The following CCDC39 variants were observed in gnomAD, a reference collection of about 807,000 sequenced individuals.
The protein encoded by CCDC39 is coiled-coil domain 39 molecular ruler complex subunit, also known as coiled-coil domain-containing protein 39.
CCDC39 carries 113 observed loss-of-function variants against 121.0 expected under a neutral mutation model. The ratio of observed to expected loss-of-function variants is 0.93; its 90% CI spans 0.80 to 1.09. The LOEUF is 1.09. Among genes scored for constraint, CCDC39 ranks in the 50% least tolerant of loss-of-function variants. CCDC39 has a pLI of 0.00. For missense variants in CCDC39, 1,063 were observed against 1,074.7 expected, an observed-to-expected ratio of 0.99 and a Z score of 0.15; for synonymous variants, 349 against 352.2, an observed-to-expected ratio of 0.99 and a Z score of 0.10.
intron 6 of CCDC39, among the ~76,000 whole-genome samples, chr3:180,656,763 T>A (rs185547068): frequency 1.3e-5 from 2 of 152,314 alleles, no homozygotes; most frequent in East Asian, 3.9e-4. Context: ...GAGTGACCTC[T>A]GGTCATTTTC....
chr3:180,653,509 CCT>C (rs1266909288), intron 7 of CCDC39, among the ~76,000 whole-genome samples: 4 of 152,078 alleles, frequency 2.6e-5, no homozygotes, highest in Non-Finnish European at 2.9e-5. Flanking sequence ...TTTTAGAGGG[CCT>C]CTCTCTGTTA....
At chr3:180,671,883 A>G (rs1406649082) in intron 1 of CCDC39, among the ~76,000 whole-genome samples, 1 of 152,242 alleles carries the variant, frequency 6.6e-6, no homozygotes, top group Non-Finnish European at 1.5e-5. Flanking sequence ...GTACAAAGTG[A>G]GATAGCAAGT....
chr3:180,668,805 C>T (rs1711956694), intron 1 of CCDC39, among the ~76,000 whole-genome samples: 1 of 151,978 alleles, frequency 6.6e-6, no homozygotes, highest in African/African-American at 2.4e-5. Flanking sequence ...TAGAGTAATG[C>T]CTAGAACATA....
intron 6 of CCDC39, 54 bp from the exon 7 acceptor site, chr3:180,655,007 AAAAGG>A: frequency 2.6e-6 from 3 of 1,167,282 alleles, no homozygotes; most frequent in Non-Finnish European, 3.4e-6. Flanking sequence ...TGAGAAAACT[AAAAGG>A]AATTTAGTTT....
At position 180,661,081 on chromosome 3, in the gene CCDC39, A is replaced by G. The variant is rs182208862; in HGVS notation, c.358-353T>C. ...CCCAAATATATATGCAATCATAATTAAAATAATATGTTTGGTATGCTAACT... is the reference window on the plus strand; with the variant it reads ...CCCAAATATATATGCAATCATAATTGAAATAATATGTTTGGTATGCTAACT... On this transcript the variant is annotated intron_variant, in intron 3 of 19. Coordinates refer to ENST00000476379, the MANE Select transcript of CCDC39 (RefSeq NM_181426.2). Among the ~76,000 whole-genome samples, 20 of 152,128 alleles carry G rather than the reference A, an allele frequency of 1.3e-4. No individual in the cohort carries two copies. In the East Asian group the frequency reaches 3.9e-3, roughly 29 times the overall value.
chr3:180,641,961 A>G, intron 13 of CCDC39, 32 bp downstream of exon 13: 1 of 1,461,514 alleles, frequency 6.8e-7, no homozygotes, highest in Non-Finnish European at 9.3e-7. Context: ...CTGTTTTTTT[A>G]ATTCCTCAGC....
chr3:180,675,810 G>C (rs1188863494), intron 1 of CCDC39, among the ~76,000 whole-genome samples: 2 of 152,002 alleles, frequency 1.3e-5, no homozygotes, highest in Non-Finnish European at 2.9e-5. Flanking sequence ...TAGACCAATG[G>C]AACAGAATAG....
At position 180,648,220 on chromosome 3, in the gene CCDC39, T is replaced by C; in HGVS notation, c.1307A>G (p.Gln436Arg). 3 of 1,613,572 alleles carry C rather than the reference T, an allele frequency of 1.9e-6. No homozygotes were observed. Among genetic ancestry groups the C allele is most frequent in the Non-Finnish European group, 2.5e-6 (3 of 1,179,620 alleles). The change falls in exon 10 of 20, where the codon CAG (glutamine) becomes CGG (arginine). Residue 436 changes from glutamine (Q) to arginine (R), a missense_variant. Coordinates refer to ENST00000476379, the MANE Select transcript of CCDC39 (RefSeq NM_181426.2). ...TRSSLKHLNH[Q>R]LQKLDFETLK... ...GGTTTCAAAATCCAGTTTTTGTAAC[T>C]GATGGTTGAGATGTTTCAGAGAGGA...
In CCDC39 at chr3:180,654,928, G is replaced by A. The variant is rs753991733; in HGVS notation, c.764C>T (p.Thr255Met). The part of the protein sequence containing the change: ...ALELARIKQE[T>M]REKENLVKEK... ...TTTAACCAAATTTTCTTTTTCTCTC[G>A]TTTCCTGCTTTATCCTTGCTAATTC... Residue 255 changes from threonine to methionine, a missense_variant, in exon 7 of 20, where the codon ACG becomes ATG. Coordinates refer to ENST00000476379, the MANE Select transcript of CCDC39 (RefSeq NM_181426.2). 2.9e-5 allele frequency: 46 copies of A among 1,575,344 alleles called. No homozygotes were observed. The highest frequency in any genetic ancestry group is 5.5e-5 in the African/African-American group (4 of 72,556).
chr3:180,625,441 C>T (rs1376133902), intron 14 of CCDC39, among the ~76,000 whole-genome samples: 1 of 149,612 alleles, frequency 6.7e-6, no homozygotes, highest in South Asian at 2.1e-4. Flanking sequence ...TCAGATTTCT[C>T]TTGCATCTAA....
intron 13 of CCDC39, among the ~76,000 whole-genome samples, chr3:180,640,745 C>T (rs1382429687): frequency 6.6e-6 from 1 of 151,986 alleles, no homozygotes; most frequent in Non-Finnish European, 1.5e-5. Flanking sequence ...AATACAAAAT[C>T]TGCATTGTCC....
rs1406274294 is a variant in CCDC39 at position 180,679,067 on chromosome 3, T to A, written c.90+224A>T. Among the ~76,000 whole-genome samples the A allele has an allele frequency of 6.6e-6, 1 of 152,166 alleles. No homozygotes were observed. Among genetic ancestry groups the A allele is most frequent in the Non-Finnish European group, 1.5e-5 (1 of 68,026 alleles). On this transcript the variant is annotated intron_variant, in intron 1 of 19. Transcript: ENST00000476379. The surrounding 1 kb of genome is among the most constrained non-coding windows in gnomAD (Gnocchi z 4.0). ...GAAGGGAGTAATAATTCGAGCTTTA[T>A]AACCCTAAATGTCAATTATGGTTTT... is the stretch of plus-strand genomic sequence containing the variant.
At position 180,663,895 on chromosome 3, in the gene CCDC39, T is replaced by G. The variant is rs375535682; in HGVS notation, c.182A>C (p.Asn61Thr). ...TGTAATTGAGAGCTCTTGCTTAACA[T>G]TTTTGAAGTGAGAAGTCATAGAATT... ...RINSMTSHFK[N>T]VKQELSITQS... The change falls in exon 2 of 20, where the codon AAT (asparagine) becomes ACT (threonine). Residue 61 changes from asparagine (N) to threonine (T), a missense_variant. By Grantham distance (65) the Asn-to-Thr change is moderately conservative. Transcript: ENST00000476379. The G allele has an allele frequency of 5.0e-6, 8 of 1,612,568 alleles. No homozygotes were observed. The highest frequency in any genetic ancestry group is 6.8e-6 in the Non-Finnish European group (8 of 1,179,432).
Position 180,646,204 on chromosome 3 carries a change from C to T in CCDC39, c.1527+875G>A, listed in dbSNP as rs566927566. Among the ~76,000 whole-genome samples the T allele has an allele frequency of 1.5e-4, 23 of 151,762 alleles. No homozygotes were observed. The South Asian group carries it at 4.8e-3, about 32-fold the overall frequency. ...ATCCAAAAACAAGTATTTTTTTCCA[C>T]TAAACAAAGATAACCATTTTAAAAT... is the stretch of plus-strand genomic sequence containing the variant. On this transcript the variant is annotated intron_variant, in intron 11 of 19. Transcript: ENST00000476379.
intron 13 of CCDC39, among the ~76,000 whole-genome samples, chr3:180,635,246 A>C (rs1020881880): frequency 4.6e-5 from 7 of 152,184 alleles, no homozygotes; most frequent in African/African-American, 1.7e-4. Flanking sequence ...CCCTCCCTCG[A>C]CATGAGATTA....
intron 1 of CCDC39, among the ~76,000 whole-genome samples, chr3:180,676,436 C>A (rs1299717855): frequency 1.3e-5 from 2 of 152,228 alleles, no homozygotes; most frequent in African/African-American, 2.4e-5. Flanking sequence ...ATCAAAACCA[C>A]AATGAGATAT....
chr3:180,673,903 G>A (rs1460984447), intron 1 of CCDC39, among the ~76,000 whole-genome samples: 1 of 151,806 alleles, frequency 6.6e-6, no homozygotes, highest in Non-Finnish European at 1.5e-5. Flanking sequence ...GCAATGCAAG[G>A]AAGTAGACTG....
intron 14 of CCDC39, among the ~76,000 whole-genome samples, chr3:180,627,599 A>C (rs1046628078): frequency 1.3e-5 from 2 of 152,226 alleles, no homozygotes; most frequent in Admixed American, 6.5e-5. Context: ...ATTAAATTGC[A>C]GTCAGAACTA....
At position 180,651,404 on chromosome 3, in the gene CCDC39, C is replaced by T. The variant is rs1334749795; in HGVS notation, c.1164G>A (p.Val388=). 8.4e-6 allele frequency: 13 copies of T among 1,554,304 alleles called. No homozygotes were observed. The highest frequency in any genetic ancestry group is 1.1e-5 in the Non-Finnish European group (13 of 1,148,222). ...AAAAATTAAAACTAAACTTTACCTT[C>T]ACATCTTTTTCCTCCTCCTTTAGCA... The part of the protein sequence containing the change: ...EDMLKEEEKD[V]KEVDVQLNLI... The change falls in exon 9 of 20, where the codon GTG becomes GTA. Residue 388 remains valine (V), a synonymous_variant. Coordinates refer to ENST00000476379, the MANE Select transcript of CCDC39 (RefSeq NM_181426.2).
Sources: gnomAD v4.1 joint callset for allele counts (sites outside exome capture counted in the v4.1 genomes callset) on GRCh38, gnomAD v4.1.1 for gene constraint, Gnocchi (gnomAD v3.1) non-coding constraint, MANE v1.5 for transcripts, NCBI Gene and HGNC (gene_info 2026-07-23, HGNC 2026-07-21) for gene names.